ZNF276: variants seen among roughly 807,000 people sequenced by gnomAD.
The protein encoded by ZNF276 is zinc finger protein 276.
Under a neutral mutation model 63.9 loss-of-function variants are expected in ZNF276, and 59 were observed. The ratio of observed to expected loss-of-function variants is 0.92; its 90% CI spans 0.75 to 1.15. The LOEUF is 1.15. Ranked by LOEUF, ZNF276 falls within the 50% of genes most tolerant of loss-of-function variation. The pLI is 0.00. For synonymous variants in ZNF276, 496 were observed against 348.4 expected (o/e 1.42, Z -4.72); for missense variants, 1,084 against 843.8 (o/e 1.28, Z -3.53).
chr16:89,723,024 G>C (rs2061351237), intron 2 of ZNF276, 113 bp from the exon 3 acceptor site: 22 of 1,602,734 alleles, frequency 1.4e-5, no homozygotes, highest in Non-Finnish European at 1.9e-5. Flanking sequence ...TGAGGGAAGA[G>C]AAAGTTGCCT....
In ZNF276 at chr16:89,734,020, G is replaced by T. The variant is rs144982544; in HGVS notation, c.1456G>T (p.Val486Leu). The change falls in exon 9 of 11, where the codon GTG becomes TTG. Residue 486 changes from valine to leucine, a missense_variant. Transcript: ENST00000443381. ...GATCGACCGCTACCTGCAGCGCCAC[G>T]TGAAGCTCATCCACACAGGTACGCC... is the stretch of plus-strand genomic sequence containing the variant. ...FMIDRYLQRH[V>L]KLIHTEVRNY... 6.2e-7 allele frequency: 1 copy of T among 1,613,916 alleles called. No individual in the cohort carries two copies. Among genetic ancestry groups the T allele is most frequent in the African/African-American group, 1.3e-5 (1 of 74,948 alleles).
Position 89,739,662 on chromosome 16 carries a change from G to C in ZNF276, c.*1416G>C. Reference sequence around the variant, plus strand: ...TGTACCCTGGGAGGCCTGGCTGTGGGGATAGTGTGGGGCGAACAGCCTGAG... The same window carrying C: ...TGTACCCTGGGAGGCCTGGCTGTGGCGATAGTGTGGGGCGAACAGCCTGAG... On this transcript the variant is annotated 3_prime_UTR_variant, in exon 11 of 11. Transcript: ENST00000443381. 1 of 1,508,728 alleles carries C rather than the reference G, an allele frequency of 6.6e-7. No individual in the cohort carries two copies. Among genetic ancestry groups the C allele is most frequent in the Admixed American group, 2.0e-5 (1 of 50,924 alleles). The allele number at this position is 1,508,728 out of a possible 1,614,324, so 93.5% of individuals were successfully genotyped here.
upstream of ZNF276, chr16:89,720,464 G>T (rs1165937811): frequency 1.8e-6 from 2 of 1,085,764 alleles, no homozygotes; most frequent in South Asian, 4.4e-5. Context: ...TCGGATTTTG[G>T]AAGGTGGCCT....
At position 89,737,963 on chromosome 16, in the gene ZNF276, C is replaced by T. The variant is rs1381721615; in HGVS notation, c.1575-13C>T. 3 of 1,614,124 alleles carry T rather than the reference C, an allele frequency of 1.9e-6. No homozygotes were observed. Among genetic ancestry groups the T allele is most frequent in the South Asian group, 2.2e-5 (2 of 91,084 alleles). ...GTGGCCCTCGCACCTTCTTATCTGC[C>T]TCTGTCCCCCAGGTGTGAGGTCTGT... On this transcript the variant is annotated splice_polypyrimidine_tract_variant and intron_variant, in intron 10 of 10. Coordinates refer to ENST00000443381, the MANE Select transcript of ZNF276 (RefSeq NM_001113525.2).
intron 6 of ZNF276, chr16:89,732,406 C>T (rs909725663): frequency 1.3e-4 from 20 of 153,140 alleles, no homozygotes; most frequent in African/African-American, 4.8e-4. Context: ...TCACCTGTTC[C>T]TCTGAAGCCC....
At position 89,739,086 on chromosome 16, in the gene ZNF276, C is replaced by A; in HGVS notation, c.*840C>A. On this transcript the variant is annotated 3_prime_UTR_variant, in exon 11 of 11. Transcript: ENST00000443381. ...AACATTCTTTGGCAGAAGGAGCCTC[C>A]GGCTGGGGGGAGCTCCCCTGGAGGT... 6.2e-7 allele frequency: 1 copy of A among 1,613,884 alleles called. No individual in the cohort carries two copies. Among genetic ancestry groups the A allele is most frequent in the African/African-American group, 1.3e-5 (1 of 75,056 alleles).
chr16:89,739,110 G>A lies in ZNF276; in HGVS notation c.*864G>A, dbSNP rs757550124. On this transcript the variant is annotated 3_prime_UTR_variant, in exon 11 of 11. Coordinates refer to ENST00000443381, the MANE Select transcript of ZNF276 (RefSeq NM_001113525.2). ...CCGGCTGGGGGGAGCTCCCCTGGAG[G>A]TGGGACTGGCCCTTGCACCTGCCTG... 6.2e-7 allele frequency: 1 copy of A among 1,614,006 alleles called. No individual in the cohort carries two copies. Among genetic ancestry groups the A allele is most frequent in the Non-Finnish European group, 8.5e-7 (1 of 1,179,950 alleles).
At chr16:89,729,483 G>T (rs1567573717) in intron 6 of ZNF276, among the ~76,000 whole-genome samples, 165 bp downstream of exon 6, 2 of 151,772 alleles carry the variant, frequency 1.3e-5, no homozygotes, top group African/African-American at 4.8e-5. Context: ...AGGCGGGGGA[G>T]GGGCAGGCGG....
In ZNF276 at chr16:89,738,753, C is replaced by T. The variant is rs768269080; in HGVS notation, c.*507C>T. 2 of 1,612,638 alleles carry T rather than the reference C, an allele frequency of 1.2e-6. No homozygotes were observed. Among genetic ancestry groups the T allele is most frequent in the Non-Finnish European group, 1.7e-6 (2 of 1,179,450 alleles). On this transcript the variant is annotated 3_prime_UTR_variant, in exon 11 of 11. Transcript: ENST00000443381. Reference sequence around the variant, plus strand: ...CCTCAGCCCATGCCGCCCACTAGGCCTCAGACCACAGGGGAGGGGCTCTGG... The same window carrying T: ...CCTCAGCCCATGCCGCCCACTAGGCTTCAGACCACAGGGGAGGGGCTCTGG...
At position 89,733,412 on chromosome 16, in the gene ZNF276, G is replaced by A. The variant is rs778132403; in HGVS notation, c.1280G>A (p.Arg427Lys). ...TGGAAGAAGAAGCTTCGTTGTGAGA[G>A]GTGATGCCTGCAACGCGAGGCTCGC... ...PGWKKKLRCE[R>K]EELPTIYKCP... Residue 427 changes from arginine to lysine, a missense_variant and splice_region_variant, in exon 7 of 11, where the codon AGG (arginine) becomes AAG (lysine). Transcript: ENST00000443381. The A allele has an allele frequency of 4.3e-6, 7 of 1,614,186 alleles. No individual in the cohort carries two copies. Among genetic ancestry groups the A allele is most frequent in the Non-Finnish European group, 5.1e-6 (6 of 1,180,046 alleles).
At chr16:89,720,477 C>G, upstream of ZNF276, 5 of 1,101,388 alleles carry the variant, frequency 4.5e-6, no homozygotes, top group Non-Finnish European at 5.5e-6. Flanking sequence ...GGTGGCCTGG[C>G]GGACCCTCCT....
At position 89,721,813 on chromosome 16, in the gene ZNF276, G is replaced by C; in HGVS notation, c.173G>C (p.Gly58Ala). 1 of 1,235,400 alleles carries C rather than the reference G, an allele frequency of 8.1e-7. No homozygotes were observed. Among genetic ancestry groups the C allele is most frequent in the Non-Finnish European group, 1.0e-6 (1 of 990,174 alleles). 76.5% of individuals were successfully genotyped at this position (1,235,400 alleles called of 1,614,324 possible). A position where few individuals can be genotyped will look rare whatever the true frequency, so the allele number is the denominator to read the frequency against. The change falls in exon 1 of 11, where the codon GGG becomes GCG. Residue 58 changes from glycine to alanine, a missense_variant. Coordinates refer to ENST00000443381, the MANE Select transcript of ZNF276 (RefSeq NM_001113525.2). Reference protein sequence around the residue: ...RRAWGPVGSCGDAGEDGADEA... With the variant: ...RRAWGPVGSCADAGEDGADEA... ...GCCTGGGGCCCGGTGGGGTCCTGCG[G>C]GGACGCGGGCGAGGACGGCGCGGAC...
At chr16:89,728,604 T>A (rs546960079) in intron 5 of ZNF276, among the ~76,000 whole-genome samples, 5 of 152,060 alleles carry the variant, frequency 3.3e-5, no homozygotes, top group South Asian at 2.1e-4. Flanking sequence ...GGGTTTCACT[T>A]TGTTAGCCGG....
rs1460344346 is a variant in ZNF276 at position 89,738,166 on chromosome 16, C to G, written c.1765C>G (p.Leu589Val). ...ACAGACCCAGGACAAGGCCCTGCCCCTGGAGGCGGAACCACCACCTGGGCC... is the reference window on the plus strand; with the variant it reads ...ACAGACCCAGGACAAGGCCCTGCCCGTGGAGGCGGAACCACCACCTGGGCC... Reference protein sequence around the residue: ...LTQTQDKALPLEAEPPPGPPS... With the variant: ...LTQTQDKALPVEAEPPPGPPS... Residue 589 changes from leucine to valine, a missense_variant, in exon 11 of 11, where the codon CTG becomes GTG. Physicochemically the swap from Leu to Val is conservative, Grantham distance 32. Coordinates refer to ENST00000443381, the MANE Select transcript of ZNF276 (RefSeq NM_001113525.2). The G allele has an allele frequency of 6.2e-7, 1 of 1,613,076 alleles. No individual in the cohort carries two copies. Among genetic ancestry groups the G allele is most frequent in the Non-Finnish European group, 8.5e-7 (1 of 1,179,910 alleles).
At chr16:89,732,537 C>T (rs1459333621) in intron 6 of ZNF276, 8 of 157,752 alleles carry the variant, frequency 5.1e-5, no homozygotes, top group African/African-American at 1.4e-4. Flanking sequence ...CCTGTTCTGC[C>T]GTCCTGATAC....
intron 4 of ZNF276, among the ~76,000 whole-genome samples, chr16:89,724,436 C>T (rs1463821996): frequency 6.6e-6 from 1 of 152,150 alleles, no homozygotes; most frequent in African/African-American, 2.4e-5. Flanking sequence ...CACTTGAGGT[C>T]ACGAGATCAA....
rs1334513865 is a variant in ZNF276, at chr16:89,723,069, T to C, written c.510-68T>C. On this transcript the variant is annotated intron_variant, in intron 2 of 10. Transcript: ENST00000443381. ...GCTGAGGTTTGAGATCTCGAGAGGGTCCCGTACGACGAGCGCTGTGAACCT... is the reference window on the plus strand; with the variant it reads ...GCTGAGGTTTGAGATCTCGAGAGGGCCCCGTACGACGAGCGCTGTGAACCT... 11 of 1,611,540 alleles carry C rather than the reference T, an allele frequency of 6.8e-6. No homozygotes were observed. In the African/African-American group the frequency reaches 1.5e-4, roughly 22 times the overall value.
At chr16:89,729,205 C>CT in intron 5 of ZNF276, 30 bp from the exon 6 acceptor site, 1 of 1,605,668 alleles carries the variant, frequency 6.2e-7, no homozygotes, top group Non-Finnish European at 8.5e-7. Context: ...AGGCCCAGGG[C>CT]TTTGCTGAAG....
intron 9 of ZNF276, among the ~76,000 whole-genome samples, chr16:89,736,735 T>C (rs545539915): frequency 1.5e-5 from 2 of 135,538 alleles, no homozygotes; most frequent in Admixed American, 1.7e-4. Flanking sequence ...TTCCAGGCTA[T>C]AGTGAGCCAT....
Sources: allele counts gnomAD v4.1 joint callset (sites outside exome capture counted in the v4.1 genomes callset), GRCh38; gene constraint gnomAD v4.1.1; transcripts MANE v1.5; gene names NCBI Gene and HGNC (gene_info 2026-07-23, HGNC 2026-07-21).